CLVS1: variants seen among roughly 807,000 people sequenced by gnomAD.
CLVS1 encodes the protein clavesin-1.
In CLVS1, 10 loss-of-function variants were observed where a neutral mutation model predicts 33.1. That is an observed-to-expected ratio of 0.30 (90% CI 0.19 to 0.51). The LOEUF is 0.51. Ranked by LOEUF, CLVS1 falls within the 20% of genes least tolerant of loss-of-function variation. CLVS1 has a pLI of 0.97. For missense variants in CLVS1, 343 were observed against 433.4 expected (o/e 0.79, Z 1.85); for synonymous variants, 163 against 166.1 (o/e 0.98, Z 0.14).
At chr8:61,357,494 C>CTTTTCTTT (rs1812776284) in intron 2 of CLVS1, among the ~76,000 whole-genome samples, 3 of 25,808 alleles carry the variant, frequency 1.2e-4, no homozygotes, top group African/African-American at 3.0e-4. Flanking sequence ...TTTTTCTTTT[C>CTTTTCTTT]TTTTTTTTTT....
intron 2 of CLVS1, among the ~76,000 whole-genome samples, chr8:61,232,382 C>T (rs1435666046): frequency 6.6e-6 from 1 of 152,058 alleles, no homozygotes; most frequent in African/African-American, 2.4e-5. Context: ...CACAGGAGAC[C>T]TCCAGTTAGC....
chr8:61,432,556 C>T (rs1226984986), intron 3 of CLVS1, among the ~76,000 whole-genome samples: 8 of 152,120 alleles, frequency 5.3e-5, no homozygotes, highest in Non-Finnish European at 8.8e-5. Context: ...AGAGAGGCCT[C>T]GGAAGAAACT....
At chr8:61,062,077 C>T (rs1455193942) in intron 1 of CLVS1, among the ~76,000 whole-genome samples, 1 of 152,094 alleles carries the variant, frequency 6.6e-6, no homozygotes, top group Admixed American at 6.6e-5. Flanking sequence ...GACTAGGTCA[C>T]GTATGAACTA....
At chr8:61,212,393 C>G (rs939285329) in intron 2 of CLVS1, among the ~76,000 whole-genome samples, 1 of 152,136 alleles carries the variant, frequency 6.6e-6, no homozygotes, top group Admixed American at 6.5e-5. Flanking sequence ...CAGGAGAAAC[C>G]CCAGATGCCT....
In CLVS1 at chr8:61,454,251, G is replaced by T; in HGVS notation, c.741G>T (p.Arg247=). Residue 247 remains arginine, a splice_region_variant and synonymous_variant, in exon 4 of 6, where the codon CGG becomes CGT. Coordinates refer to ENST00000325897, the MANE Select transcript of CLVS1 (RefSeq NM_173519.3). ...TTCTTAAAGACAAGACCAGGAAACGGGTAATGAAAACAAATGCATCATGTA... is the reference window on the plus strand; with the variant it reads ...TTCTTAAAGACAAGACCAGGAAACGTGTAATGAAAACAAATGCATCATGTA... ...KPFLKDKTRK[R]IFLHGNNLNS... 1 of 1,607,798 alleles carries T rather than the reference G, an allele frequency of 6.2e-7. No individual in the cohort carries two copies.
intron 2 of CLVS1, among the ~76,000 whole-genome samples, chr8:61,341,632 T>C (rs1453755639): frequency 6.6e-6 from 1 of 152,184 alleles, no homozygotes; most frequent in Non-Finnish European, 1.5e-5. Flanking sequence ...CCAAGCTGAT[T>C]TGTTTTGAGC....
upstream of CLVS1, among the ~76,000 whole-genome samples, chr8:61,285,462 G>T (rs887955116): frequency 1.3e-5 from 2 of 152,030 alleles, no homozygotes; most frequent in Non-Finnish European, 2.9e-5. Flanking sequence ...TTTCAGCTCC[G>T]CACATGGAAG....
intron 3 of CLVS1, among the ~76,000 whole-genome samples, chr8:61,415,053 C>T (rs1019514108): frequency 1.1e-4 from 16 of 152,254 alleles, no homozygotes; most frequent in Admixed American, 6.5e-5. Context: ...AAAAACCGAG[C>T]GATTGCAATG....
At chr8:61,274,377 C>G (rs1319875739) in intron 2 of CLVS1, among the ~76,000 whole-genome samples, 4 of 152,134 alleles carry the variant, frequency 2.6e-5, no homozygotes, top group African/African-American at 9.7e-5. Context: ...GAAATTAGCT[C>G]TATTTCCCTG....
At chr8:61,153,103 G>A (rs143637611) in intron 2 of CLVS1, among the ~76,000 whole-genome samples, 76 of 152,132 alleles carry the variant, frequency 5.0e-4, no homozygotes, top group Middle Eastern at 3.4e-3. Context: ...GTAACAGAGC[G>A]AGACCCTGTC....
chr8:61,154,054 AAAG>A (rs573116714), intron 2 of CLVS1, among the ~76,000 whole-genome samples: 25 of 152,186 alleles, frequency 1.6e-4, no homozygotes, highest in Non-Finnish European at 2.4e-4. Context: ...TCTTCCCCAC[AAAG>A]AAGAGAGCGG....
intron 2 of CLVS1, among the ~76,000 whole-genome samples, chr8:61,279,959 AGT>A (rs1809637314): frequency 6.6e-6 from 1 of 151,616 alleles, no homozygotes; most frequent in Non-Finnish European, 1.5e-5. Flanking sequence ...TGAATAAAAG[AGT>A]GTGAACTTTA....
At chr8:61,410,436 C>T (rs532219366) in intron 3 of CLVS1, among the ~76,000 whole-genome samples, 1 of 152,238 alleles carries the variant, frequency 6.6e-6, no homozygotes, top group African/African-American at 2.4e-5. Context: ...GGTAGATCGA[C>T]TTTCTTTACA....
the CLVS1 span, among the ~76,000 whole-genome samples, chr8:60,982,326 A>T: frequency 8.5e-5 from 13 of 152,330 alleles, no homozygotes; most frequent in South Asian, 2.7e-3. Context: ...TACGTGGGTT[A>T]TTGTTGAGGG....
chr8:61,292,508 C>A, intron 1 of CLVS1: 1 of 413,056 alleles, frequency 2.4e-6, no homozygotes, highest in Non-Finnish European at 4.9e-6. Flanking sequence ...AAAAGAGAAT[C>A]TATTCTTAGA....
chr8:61,471,558 G>A (rs1817737388), intron 5 of CLVS1, among the ~76,000 whole-genome samples: 1 of 152,116 alleles, frequency 6.6e-6, no homozygotes, highest in Admixed American at 6.5e-5. Context: ...TCAATACAAG[G>A]CTTTTGTACC....
chr8:61,389,929 T>G (rs1393376213), intron 3 of CLVS1, among the ~76,000 whole-genome samples: 1 of 152,200 alleles, frequency 6.6e-6, no homozygotes, highest in Non-Finnish European at 1.5e-5. Context: ...AGTAAAAAAG[T>G]CATTTTATAA....
chr8:61,373,773 A>G (rs1373249178), intron 2 of CLVS1, among the ~76,000 whole-genome samples: 1 of 152,188 alleles, frequency 6.6e-6, no homozygotes, highest in Non-Finnish European at 1.5e-5. Flanking sequence ...GCTATGTAAC[A>G]AACCATCTCA....
At chr8:61,410,559 T>G (rs547701487) in intron 3 of CLVS1, among the ~76,000 whole-genome samples, 1 of 152,322 alleles carries the variant, frequency 6.6e-6, no homozygotes, top group East Asian at 1.9e-4. Context: ...CAGAACAGCC[T>G]TCTTCGCTCT....
Sources: allele counts gnomAD v4.1 joint callset (sites outside exome capture counted in the v4.1 genomes callset), GRCh38; gene constraint gnomAD v4.1.1; transcripts MANE v1.5; gene names NCBI Gene and HGNC (gene_info 2026-07-23, HGNC 2026-07-21).